The following ERICH1 variants were observed in gnomAD, a reference collection of about 807,000 sequenced individuals.
ERICH1 encodes glutamate-rich protein 1.
ERICH1 carries 56 observed loss-of-function variants against 39.6 expected under a neutral mutation model. The ratio of observed to expected loss-of-function variants is 1.41; its 90% CI spans 1.14 to 1.77. ERICH1 has a LOEUF of 1.77. Ranked by LOEUF, ERICH1 falls within the 40% of genes most tolerant of loss-of-function variation. ERICH1 has a pLI of 0.00. For synonymous variants in ERICH1, 313 were observed against 223.6 expected (o/e 1.40, Z -3.57); for missense variants, 826 against 575.4 (o/e 1.44, Z -4.45).
intron 3 of ERICH1, among the ~76,000 whole-genome samples, chr8:678,376 CAGTT>C: frequency 6.6e-6 from 1 of 151,414 alleles, no homozygotes; most frequent in South Asian, 2.1e-4. Flanking sequence ...ACATGCAAAT[CAGTT>C]AATCCGTTAG....
intron 3 of ERICH1, among the ~76,000 whole-genome samples, chr8:621,805 A>G (rs151074822): frequency 1.2e-3 from 186 of 152,364 alleles, no homozygotes; most frequent in African/African-American, 3.7e-3. Context: ...TTATAAGTGA[A>G]TAATATCAAC....
At chr8:628,743 G>A (rs1584952321) in intron 3 of ERICH1, among the ~76,000 whole-genome samples, 1 of 152,180 alleles carries the variant, frequency 6.6e-6, no homozygotes, top group South Asian at 2.1e-4. Flanking sequence ...ATACCCTCAC[G>A]TAGTCCCTGA....
intron 2 of ERICH1, among the ~76,000 whole-genome samples, chr8:697,130 ATTC>A (rs1265096319): frequency 2.0e-5 from 3 of 152,114 alleles, no homozygotes; most frequent in African/African-American, 7.2e-5. Context: ...ATGGACACAT[ATTC>A]TTCTTTCCTC....
chr8:673,559 C>T lies in ERICH1; in HGVS notation c.793G>A (p.Asp265Asn), dbSNP rs780379743. 9 of 1,552,574 alleles carry T rather than the reference C, an allele frequency of 5.8e-6. No individual in the cohort carries two copies. The highest frequency in any genetic ancestry group is 1.8e-5 in the Admixed American group (1 of 57,028). Residue 265 changes from aspartate to asparagine, a missense_variant, in exon 4 of 6, where the codon GAC (aspartate) becomes AAC (asparagine). Physicochemically the swap from Asp to Asn is conservative, Grantham distance 23 (BLOSUM62 1). Transcript: ENST00000262109. ...TCCTCCTCCCTGGCGTCTTTAACGT[C>T]TTCCTCCCCGGCCGGTGTCGGATCT... ...EEDPTPAGEE[D>N]VKDAREEDGV...
Position 673,687 on chromosome 8 carries a change from C to G in ERICH1, c.665G>C (p.Gly222Ala). 1.2e-6 allele frequency: 2 copies of G among 1,613,858 alleles called. No homozygotes were observed. Among genetic ancestry groups the G allele is most frequent in the Non-Finnish European group, 1.7e-6 (2 of 1,179,836 alleles). Reference sequence around the variant, plus strand: ...CCTGGTATCTTTAACGTCTTCCTCCCCGGCCAGTGTCGGGTCTTCCTCGCT... The same window carrying G: ...CCTGGTATCTTTAACGTCTTCCTCCGCGGCCAGTGTCGGGTCTTCCTCGCT... ...DTSEEDPTLA[G>A]EEDVKDTREE... The change falls in exon 4 of 6, where the codon GGG becomes GCG. Residue 222 changes from glycine to alanine, a missense_variant. Transcript: ENST00000262109.
chr8:720,572 G>T (rs1490454353), intron 1 of ERICH1, among the ~76,000 whole-genome samples: 1 of 152,202 alleles, frequency 6.6e-6, no homozygotes, highest in African/African-American at 2.4e-5. Flanking sequence ...TGGGAAGAAG[G>T]CCGTAGGGAT....
At chr8:650,034 C>G (rs1328103719) in intron 3 of ERICH1, among the ~76,000 whole-genome samples, 1 of 152,224 alleles carries the variant, frequency 6.6e-6, no homozygotes, top group Non-Finnish European at 1.5e-5. Context: ...CCTCCCTGCG[C>G]TGAGCGCGAC....
chr8:690,885 C>T (rs1808751159), intron 3 of ERICH1: 1 of 152,332 alleles, frequency 6.6e-6, no homozygotes, highest in African/African-American at 2.4e-5. Flanking sequence ...ATTTTTCCAG[C>T]TCCAGTTCTC....
chr8:668,805 A>G lies in ERICH1; in HGVS notation c.1064-13T>C. 1 of 1,574,468 alleles carries G rather than the reference A, an allele frequency of 6.4e-7. No individual in the cohort carries two copies. The highest frequency in any genetic ancestry group is 1.4e-5 in the African/African-American group (1 of 73,242). Reference sequence around the variant, plus strand: ...TCTCTGGAGACACCTACATAAAGTCAGTTTTGCTTGGAAATACAGTTTTGT... The same window carrying G: ...TCTCTGGAGACACCTACATAAAGTCGGTTTTGCTTGGAAATACAGTTTTGT... On this transcript the variant is annotated splice_polypyrimidine_tract_variant and intron_variant, in intron 4 of 5. Transcript: ENST00000262109.
At chr8:671,043 G>T (rs1034372534) in intron 4 of ERICH1, among the ~76,000 whole-genome samples, 2 of 151,680 alleles carry the variant, frequency 1.3e-5, no homozygotes, top group Non-Finnish European at 2.9e-5. Flanking sequence ...CAACACCTGA[G>T]CCCACCGGTC....
At chr8:621,810 A>G (rs1211021096) in intron 3 of ERICH1, among the ~76,000 whole-genome samples, 2 of 152,232 alleles carry the variant, frequency 1.3e-5, no homozygotes, top group Non-Finnish European at 2.9e-5. Flanking sequence ...AGTGAATAAT[A>G]TCAACAATTA....
chr8:703,532 G>A (rs1242032911), intron 2 of ERICH1, among the ~76,000 whole-genome samples: 2 of 152,164 alleles, frequency 1.3e-5, no homozygotes, highest in Non-Finnish European at 2.9e-5. Flanking sequence ...CTCACTCTCT[G>A]CAAAGGCCAG....
At chr8:615,319 C>T in intron 3 of ERICH1, 1 of 648,182 alleles carries the variant, frequency 1.5e-6, no homozygotes, top group Non-Finnish European at 2.7e-6. Flanking sequence ...CAGTTGTGTT[C>T]ATCATTTTAA....
intron 1 of ERICH1, 80 bp downstream of exon 1, chr8:731,059 CG>C: frequency 1.5e-6 from 2 of 1,354,256 alleles, no homozygotes; most frequent in Admixed American, 3.5e-5. Context: ...GGGCCGGGGT[CG>C]GGGTCCCGAG....
intron 3 of ERICH1, among the ~76,000 whole-genome samples, chr8:624,192 G>C (rs762039480): frequency 1.3e-5 from 2 of 152,136 alleles, no homozygotes; most frequent in African/African-American, 2.4e-5. Context: ...ACCACAATGA[G>C]ACATCAGCTC....
chr8:662,943 G>A (rs1034547889), downstream of ERICH1, among the ~76,000 whole-genome samples: 3 of 152,200 alleles, frequency 2.0e-5, no homozygotes, highest in South Asian at 2.1e-4. Flanking sequence ...AAGCAGCGGC[G>A]CCTGCAGCTC....
At chr8:668,839 C>T (rs528363820) in intron 4 of ERICH1, 47 bp from the exon 5 acceptor site, 3 of 1,513,612 alleles carry the variant, frequency 2.0e-6, no homozygotes, top group Admixed American at 4.1e-5. Flanking sequence ...GTTTTTATTT[C>T]TATAAACTAA....
At chr8:707,619 A>G (rs1212068853) in intron 2 of ERICH1, among the ~76,000 whole-genome samples, 2 of 152,160 alleles carry the variant, frequency 1.3e-5, no homozygotes, top group Admixed American at 6.6e-5. Flanking sequence ...TTGGAACTCT[A>G]CCTCACACCA....
intron 1 of ERICH1, among the ~76,000 whole-genome samples, chr8:722,663 T>C (rs1417026049): frequency 6.6e-6 from 1 of 152,210 alleles, no homozygotes; most frequent in African/African-American, 2.4e-5. Context: ...CTGGAAGAGA[T>C]TAAAATAATG....
Sources: gnomAD v4.1 joint callset for allele counts (sites outside exome capture counted in the v4.1 genomes callset) on GRCh38, gnomAD v4.1.1 for gene constraint, MANE v1.5 for transcripts, NCBI Gene and HGNC (gene_info 2026-07-23, HGNC 2026-07-21) for gene names.